SORCS1: variants seen among roughly 807,000 people sequenced by gnomAD.
The protein encoded by SORCS1 is sortilin related VPS10 domain containing receptor 1.
Under a neutral mutation model 146.1 loss-of-function variants are expected in SORCS1, and 60 were observed. That is an observed-to-expected ratio of 0.41 (90% CI 0.33 to 0.51). The LOEUF (loss-of-function observed/expected upper bound fraction) is 0.51, where lower values mean the gene tolerates loss of function less well. Among genes scored for constraint, SORCS1 ranks in the 20% least tolerant of loss-of-function variants. SORCS1 has a pLI of 0.21. For missense variants in SORCS1, 1,352 were observed against 1,487.6 expected (o/e 0.91, Z 1.50); for synonymous variants, 637 against 584.0 (o/e 1.09, Z -1.31).
At chr10:107,138,122 G>C (rs1251754) in intron 1 of SORCS1, among the ~76,000 whole-genome samples, 4,423 of 152,168 alleles carry the variant, frequency 0.029, 230 homozygotes, top group African/African-American at 0.1. Flanking sequence ...ATGGTGACTA[G>C]CACATAATAG....
intron 17 of SORCS1, among the ~76,000 whole-genome samples, chr10:106,660,328 A>G (rs1176014865): frequency 6.6e-6 from 1 of 152,178 alleles, no homozygotes; most frequent in Non-Finnish European, 1.5e-5. Context: ...TGATACATAT[A>G]TACATTGTGT....
chr10:106,727,032 G>A (rs1159510156), intron 6 of SORCS1, among the ~76,000 whole-genome samples: 1 of 151,092 alleles, frequency 6.6e-6, no homozygotes, highest in Non-Finnish European at 1.5e-5. Context: ...CTTGCAGTGA[G>A]CCGAGATAGT....
chr10:106,652,627 A>T, intron 17 of SORCS1, 74 bp from the exon 18 acceptor site: 1 of 1,546,252 alleles, frequency 6.5e-7, no homozygotes, highest in South Asian at 1.2e-5. Flanking sequence ...AAAATTAGAC[A>T]TAGTGCCTAG....
chr10:106,821,934 A>T (rs1012064114), intron 3 of SORCS1, among the ~76,000 whole-genome samples: 2 of 152,072 alleles, frequency 1.3e-5, no homozygotes, highest in Admixed American at 6.5e-5. Flanking sequence ...AAAAATAAAA[A>T]AAAAAAAAAG....
intron 5 of SORCS1, among the ~76,000 whole-genome samples, chr10:106,731,515 C>T (rs1260029898): frequency 2.0e-5 from 3 of 152,048 alleles, no homozygotes; most frequent in Non-Finnish European, 4.4e-5. Context: ...CCAGCTTCAC[C>T]TAACCCCTGA....
chr10:106,968,009 C>T (rs1955583024), intron 1 of SORCS1, among the ~76,000 whole-genome samples: 1 of 151,242 alleles, frequency 6.6e-6, no homozygotes, highest in African/African-American at 2.4e-5. Flanking sequence ...TCGAGACCAT[C>T]CTGGCTAACA....
rs575713397 is a variant in SORCS1, at chr10:106,901,501, C to T, written c.626+55012G>A. On this transcript the variant is annotated intron_variant, in intron 2 of 25. Coordinates refer to ENST00000263054, the MANE Select transcript of SORCS1 (RefSeq NM_052918.5). ...AGGCTGGAGTGCAGTGGCATGATCTCGGCTCACTGCAGCCTCAAACTACTG... is the reference window on the plus strand; with the variant it reads ...AGGCTGGAGTGCAGTGGCATGATCTTGGCTCACTGCAGCCTCAAACTACTG... 7.2e-5 allele frequency among the ~76,000 whole-genome samples: 11 copies of T among 152,278 alleles called. No homozygotes were observed. In the South Asian group the frequency reaches 1.7e-3, roughly 23 times the overall value.
chr10:106,607,210 C>T lies in SORCS1; in HGVS notation c.3121G>A (p.Asp1041Asn), dbSNP rs750298905. Residue 1041 changes from aspartate (D) to asparagine (N), a missense_variant, in exon 23 of 26, where the codon GAT becomes AAT. This residue lies in a region of SORCS1 where 214 missense variants were observed against 204.8 expected (regional missense o/e 1.05). Transcript: ENST00000263054. ...GACCTTTTGTTTTCTCCAGCTGGATCCTGATAGGGTAGGACAAAGAGTTCA... is the reference window on the plus strand; with the variant it reads ...GACCTTTTGTTTTCTCCAGCTGGATTCTGATAGGGTAGGACAAAGAGTTCA... The part of the protein sequence containing the change: ...TAELFVLPYQ[D>N]PAGENKRSTD... 1.9e-6 allele frequency: 3 copies of T among 1,614,076 alleles called. No homozygotes were observed. Among genetic ancestry groups the T allele is most frequent in the Non-Finnish European group, 2.5e-6 (3 of 1,179,968 alleles).
At chr10:106,758,291 G>C (rs1309139176) in intron 5 of SORCS1, among the ~76,000 whole-genome samples, 1 of 152,162 alleles carries the variant, frequency 6.6e-6, no homozygotes, top group Non-Finnish European at 1.5e-5. Context: ...TGGTGACATA[G>C]AAAACACTGT....
chr10:107,051,441 A>G (rs1754804821), intron 1 of SORCS1, among the ~76,000 whole-genome samples: 1 of 152,186 alleles, frequency 6.6e-6, no homozygotes, highest in African/African-American at 2.4e-5. Flanking sequence ...GATGTTTACA[A>G]TCCAGTGTGG....
chr10:107,156,918 G>A (rs1969328259), intron 1 of SORCS1, among the ~76,000 whole-genome samples: 1 of 152,094 alleles, frequency 6.6e-6, no homozygotes, highest in Non-Finnish European at 1.5e-5. Flanking sequence ...TGGCAGACAG[G>A]TTATTACTGG....
chr10:107,175,393 T>C, the SORCS1 span, among the ~76,000 whole-genome samples: 3 of 152,178 alleles, frequency 2.0e-5, no homozygotes, highest in East Asian at 5.8e-4. Context: ...GGAGTTTACT[T>C]TATGGGAAGC....
chr10:106,849,665 C>T (rs1371922953), intron 2 of SORCS1, among the ~76,000 whole-genome samples: 1 of 151,106 alleles, frequency 6.6e-6, no homozygotes, highest in African/African-American at 2.4e-5. Context: ...AGGCGCTCTG[C>T]GTTTTAGAGT....
intron 1 of SORCS1, among the ~76,000 whole-genome samples, chr10:107,020,221 A>G (rs1958072241): frequency 6.6e-6 from 1 of 152,254 alleles, no homozygotes; most frequent in Non-Finnish European, 1.5e-5. Flanking sequence ...CTCTAATCTT[A>G]GGACTTCACT....
At chr10:107,038,449 G>C (rs1372834009) in intron 1 of SORCS1, among the ~76,000 whole-genome samples, 1 of 151,768 alleles carries the variant, frequency 6.6e-6, no homozygotes, top group African/African-American at 2.4e-5. Flanking sequence ...TAAATGACGA[G>C]TTAATGGGTG....
At chr10:106,911,711 T>A (rs1952165761) in intron 2 of SORCS1, among the ~76,000 whole-genome samples, 1 of 152,126 alleles carries the variant, frequency 6.6e-6, no homozygotes, top group African/African-American at 2.4e-5. Flanking sequence ...GTCCATTAGA[T>A]TCACATGGGG....
chr10:107,113,068 G>T (rs1965797896), intron 1 of SORCS1, among the ~76,000 whole-genome samples: 1 of 152,070 alleles, frequency 6.6e-6, no homozygotes, highest in Admixed American at 6.6e-5. Flanking sequence ...CTTCTCAAAT[G>T]CACATGAACT....
At chr10:106,925,287 T>C (rs1191477939) in intron 2 of SORCS1, among the ~76,000 whole-genome samples, 1 of 152,104 alleles carries the variant, frequency 6.6e-6, no homozygotes, top group Non-Finnish European at 1.5e-5. Flanking sequence ...CCAGGGCCCT[T>C]TGTGGGCCAG....
At chr10:106,762,829 A>G (rs1859241469) in intron 4 of SORCS1, among the ~76,000 whole-genome samples, 1 of 152,176 alleles carries the variant, frequency 6.6e-6, no homozygotes, top group Non-Finnish European at 1.5e-5. Context: ...AAGATGGGAC[A>G]GGTCACACTG....
Sources: gnomAD v4.1 joint callset for allele counts (sites outside exome capture counted in the v4.1 genomes callset) on GRCh38, gnomAD v4.1.1 for gene constraint, gnomAD v4.1.1 regional missense constraint, MANE v1.5 for transcripts, NCBI Gene and HGNC (gene_info 2026-07-23, HGNC 2026-07-21) for gene names.